AP4S1: variants seen among roughly 807,000 people sequenced by gnomAD.
AP4S1 encodes AP-4 complex subunit sigma-1.
A neutral mutation model predicts 19.8 loss-of-function variants in AP4S1; 23 were observed. The ratio of observed to expected loss-of-function variants is 1.16; its 90% CI spans 0.84 to 1.65. AP4S1 has a LOEUF of 1.65. Among genes scored for constraint, AP4S1 ranks in the 40% most tolerant of loss-of-function variants. AP4S1 has a pLI of 0.00. For missense variants in AP4S1, 166 were observed against 172.8 expected (o/e 0.96, Z 0.22); for synonymous variants, 46 against 54.1 (o/e 0.85, Z 0.66).
intron 1 of AP4S1, among the ~76,000 whole-genome samples, chr14:31,039,479 C>G (rs1319037974): frequency 1.3e-5 from 2 of 152,012 alleles, no homozygotes; most frequent in African/African-American, 4.8e-5. Flanking sequence ...GCCACTGTGT[C>G]TGGCCCTAAT....
chr14:31,029,368 T>G (rs189125101), intron 1 of AP4S1, among the ~76,000 whole-genome samples: 35 of 152,364 alleles, frequency 2.3e-4, no homozygotes, highest in Admixed American at 5.9e-4. Flanking sequence ...TATAAATTGA[T>G]CTAGATCCAT....
At chr14:31,059,686 A>G (rs1886315393) in intron 1 of AP4S1, among the ~76,000 whole-genome samples, 1 of 152,128 alleles carries the variant, frequency 6.6e-6, no homozygotes, top group Non-Finnish European at 1.5e-5. Context: ...ACCACAGAGT[A>G]TGTTGCAATC....
chr14:31,044,319 A>T (rs1301161408), intron 1 of AP4S1, among the ~76,000 whole-genome samples: 1 of 152,030 alleles, frequency 6.6e-6, no homozygotes, highest in African/African-American at 2.4e-5. Context: ...TGTTCCAAGG[A>T]GTAGGAGAAA....
intron 1 of AP4S1, among the ~76,000 whole-genome samples, chr14:31,046,333 A>G (rs1482900512): frequency 6.6e-6 from 1 of 152,144 alleles, no homozygotes; most frequent in Non-Finnish European, 1.5e-5. Flanking sequence ...TCTACTTTCT[A>G]TCACTGTAGA....
chr14:31,050,959 T>A (rs1413808841), intron 1 of AP4S1, among the ~76,000 whole-genome samples: 5 of 152,100 alleles, frequency 3.3e-5, no homozygotes, highest in Non-Finnish European at 5.9e-5. Flanking sequence ...TTGTCTAATG[T>A]ATTTTCTCAT....
intron 2 of AP4S1, 35 bp downstream of exon 2, chr14:31,066,369 C>A: frequency 6.2e-7 from 1 of 1,613,278 alleles, no homozygotes; most frequent in Non-Finnish European, 8.5e-7. Context: ...TCTCTGCATT[C>A]AACTCAGCCT....
At chr14:31,074,625 A>T (rs1340579575) in intron 4 of AP4S1, among the ~76,000 whole-genome samples, 1 of 152,192 alleles carries the variant, frequency 6.6e-6, no homozygotes, top group East Asian at 1.9e-4. Flanking sequence ...GTGAGCTGAG[A>T]TCACGCCACT....
chr14:31,091,362 T>C (rs75945533), intron 5 of AP4S1, among the ~76,000 whole-genome samples: 5,471 of 152,178 alleles, frequency 0.036, 355 homozygotes, highest in African/African-American at 0.12. Context: ...TTTCTATATA[T>C]ACCTGGCTGC....
intron 1 of AP4S1, among the ~76,000 whole-genome samples, chr14:31,053,589 C>CTTTTTTTTTTTTTTTTTTTTTTTTTTT (rs758966011): frequency 5.6e-5 from 4 of 71,112 alleles, no homozygotes; most frequent in Non-Finnish European, 9.7e-5. Context: ...TGACTTTTTT[C>CTTTTTTTTTTTTTTTTTTTTTTTTTTT]TTTTTTTTTT....
chr14:31,043,345 A>T (rs1885217553), intron 1 of AP4S1, among the ~76,000 whole-genome samples: 1 of 152,246 alleles, frequency 6.6e-6, no homozygotes, highest in Admixed American at 6.5e-5. Flanking sequence ...AGTTTCATCC[A>T]AAGCTACTTC....
At chr14:31,038,076 G>A (rs1469895289) in intron 1 of AP4S1, among the ~76,000 whole-genome samples, 1 of 152,200 alleles carries the variant, frequency 6.6e-6, no homozygotes, top group Non-Finnish European at 1.5e-5. Context: ...CACCTGAAAA[G>A]TCTCTGTGTT....
chr14:31,027,279 C>T (rs1566505491), intron 1 of AP4S1: 1 of 152,108 alleles, frequency 6.6e-6, no homozygotes, highest in African/African-American at 2.4e-5. Flanking sequence ...ATATTGTCAT[C>T]AATAGACTAT....
Position 31,080,561 on chromosome 14 carries a change from T to C in AP4S1, c.295-12T>C. 6.2e-7 allele frequency: 1 copy of C among 1,608,406 alleles called. No homozygotes were observed. The highest frequency in any genetic ancestry group is 1.1e-5 in the South Asian group (1 of 90,906). On this transcript the variant is annotated splice_polypyrimidine_tract_variant and intron_variant, in intron 4 of 5. Transcript: ENST00000542754. ...TTTTTTCTAACCCTTGCACTCTTTTTCTGTCTTCCAGAGTGAATTAGATGT... is the reference window on the plus strand; with the variant it reads ...TTTTTTCTAACCCTTGCACTCTTTTCCTGTCTTCCAGAGTGAATTAGATGT...
chr14:31,083,496 CTTTTTTTT>C (rs768336426), intron 5 of AP4S1: 174 of 255,106 alleles, frequency 6.8e-4, no homozygotes, highest in East Asian at 6.5e-3. Context: ...TGTTGACACT[CTTTTTTTT>C]TTTTTTTTTT....
intron 1 of AP4S1, among the ~76,000 whole-genome samples, chr14:31,042,592 T>C (rs1885171618): frequency 6.6e-6 from 1 of 152,188 alleles, no homozygotes; most frequent in Admixed American, 6.5e-5. Context: ...TCAATCAATG[T>C]AATGGTCTAT....
intron 1 of AP4S1, among the ~76,000 whole-genome samples, chr14:31,029,113 T>C (rs988158504): frequency 2.0e-5 from 3 of 152,172 alleles, no homozygotes; most frequent in Admixed American, 1.3e-4. Flanking sequence ...CTAGCAGTCA[T>C]TCTACTACCT....
intron 1 of AP4S1, among the ~76,000 whole-genome samples, chr14:31,057,172 C>T (rs1224396238): frequency 6.6e-6 from 1 of 152,132 alleles, no homozygotes; most frequent in Admixed American, 6.6e-5. Context: ...TAGTATGAGT[C>T]AGGGGAGCAG....
chr14:31,073,472 A>T (rs1381177021), intron 4 of AP4S1, among the ~76,000 whole-genome samples: 2 of 148,688 alleles, frequency 1.3e-5, no homozygotes, highest in Admixed American at 1.3e-4. Context: ...CCTGGGCAAC[A>T]GAGCGAGACT....
rs1214243379 is a variant in AP4S1, at chr14:31,093,205, C to G, written c.*170C>G. ...CACAGTTCCTAAAAAGAAAACACAA[C>G]TGTACTTTAAAATATGTACAAAGAA... On this transcript the variant is annotated 3_prime_UTR_variant, in exon 6 of 6. Coordinates refer to ENST00000542754, the MANE Select transcript of AP4S1 (RefSeq NM_001128126.3). 1 of 600,822 alleles carries G rather than the reference C, an allele frequency of 1.7e-6. No homozygotes were observed. The highest frequency in any genetic ancestry group is 4.1e-5 in the Admixed American group (1 of 24,398). The allele number at this position is 600,822 out of a possible 1,614,324, so 37.2% of individuals were successfully genotyped here.
Sources: gnomAD v4.1 joint callset for allele counts (sites outside exome capture counted in the v4.1 genomes callset) on GRCh38, gnomAD v4.1.1 for gene constraint, MANE v1.5 for transcripts, NCBI Gene and HGNC (gene_info 2026-07-23, HGNC 2026-07-21) for gene names.